Variants in DCC observed in about 807,000 individuals in gnomAD.
DCC encodes netrin receptor DCC.
A neutral mutation model predicts 172.5 loss-of-function variants in DCC; 58 were observed. The observed-to-expected ratio is 0.34, with a 90% CI of 0.27 to 0.42. The LOEUF (loss-of-function observed/expected upper bound fraction) is 0.42, where lower values mean the gene tolerates loss of function less well. DCC is among the 10% of genes least tolerant of loss of function. The probability of loss-of-function intolerance (pLI) is 1.00; values close to 1 mark genes in which losing one functional copy is unlikely to be tolerated. For missense variants in DCC, 1,740 were observed against 1,791.0 expected (o/e 0.97, Z 0.51); for synonymous variants, 709 against 644.5 (o/e 1.10, Z -1.52).
chr18:53,226,914 CTG>C (rs35341474), intron 12 of DCC, among the ~76,000 whole-genome samples: 36 of 103,680 alleles, frequency 3.5e-4, no homozygotes, highest in African/African-American at 5.3e-4. Flanking sequence ...AATAGTGTAA[CTG>C]TGTGTGTGTG....
intron 5 of DCC, among the ~76,000 whole-genome samples, chr18:52,940,102 T>C (rs2040437276): frequency 6.6e-6 from 1 of 152,168 alleles, no homozygotes; most frequent in Admixed American, 6.5e-5. Context: ...TTCCAAGTGA[T>C]TCTTAAACAC....
chr18:52,989,135 A>G (rs2041341622), intron 5 of DCC, among the ~76,000 whole-genome samples: 1 of 152,144 alleles, frequency 6.6e-6, no homozygotes, highest in South Asian at 2.1e-4. Context: ...TTCATACAAT[A>G]TCCACCTCCC....
chr18:53,202,714 G>C (rs1042334367), intron 9 of DCC, among the ~76,000 whole-genome samples: 3 of 152,144 alleles, frequency 2.0e-5, no homozygotes, highest in African/African-American at 2.4e-5. Context: ...CAAGTACTCA[G>C]TTCTGGAATC....
chr18:52,815,440 T>C (rs952908644), intron 2 of DCC, among the ~76,000 whole-genome samples: 2 of 147,470 alleles, frequency 1.4e-5, no homozygotes, highest in African/African-American at 5.2e-5. Context: ...ACACACACGT[T>C]CTCTCTCCAC....
intron 5 of DCC, among the ~76,000 whole-genome samples, chr18:52,984,144 G>GA (rs2041254759): frequency 6.6e-6 from 1 of 152,034 alleles, no homozygotes; most frequent in Admixed American, 6.6e-5. Context: ...GAGCTATATA[G>GA]AAAATGATTT....
chr18:52,598,886 A>G (rs1255591753), intron 1 of DCC, among the ~76,000 whole-genome samples: 1 of 152,098 alleles, frequency 6.6e-6, no homozygotes, highest in Non-Finnish European at 1.5e-5. Flanking sequence ...TGCATTTTCC[A>G]GAGGGGTGGA....
At chr18:52,539,756 G>C (rs544039369) in intron 1 of DCC, among the ~76,000 whole-genome samples, 2 of 152,286 alleles carry the variant, frequency 1.3e-5, no homozygotes, top group African/African-American at 4.8e-5. Flanking sequence ...TTAGAGAGTA[G>C]ACTTTGAGTA....
intron 1 of DCC, among the ~76,000 whole-genome samples, chr18:52,709,863 A>G (rs1436795658): frequency 6.6e-6 from 1 of 152,342 alleles, no homozygotes; most frequent in East Asian, 1.9e-4. Flanking sequence ...CAATGCAGTG[A>G]ATAAGCAAAT....
chr18:53,027,850 G>C (rs1198460824), intron 5 of DCC, among the ~76,000 whole-genome samples: 1 of 151,600 alleles, frequency 6.6e-6, no homozygotes, highest in Non-Finnish European at 1.5e-5. Context: ...TCTAATCTCT[G>C]AGAATCTGGC....
At chr18:52,573,039 C>A (rs1016307520) in intron 1 of DCC, among the ~76,000 whole-genome samples, 2 of 152,026 alleles carry the variant, frequency 1.3e-5, no homozygotes, top group African/African-American at 4.8e-5. Flanking sequence ...GAACAGAAAC[C>A]GTATGTAATG....
intron 15 of DCC, among the ~76,000 whole-genome samples, chr18:53,384,341 G>A (rs1294736823): frequency 6.6e-6 from 1 of 151,794 alleles, no homozygotes; most frequent in Non-Finnish European, 1.5e-5. Flanking sequence ...TTTTTTCTAA[G>A]TCATATATTA....
At position 53,267,941 on chromosome 18, in the gene DCC, A is replaced by G. The variant is rs537966812; in HGVS notation, c.1912-37637A>G. Reference sequence around the variant, plus strand: ...TCTAAAGGAGATCCTTTTGTATTATAACTACAGGTATAATTATTTTGCAGT... The same window carrying G: ...TCTAAAGGAGATCCTTTTGTATTATGACTACAGGTATAATTATTTTGCAGT... On this transcript the variant is annotated intron_variant, in intron 12 of 28. Transcript: ENST00000442544. 3.3e-5 allele frequency among the ~76,000 whole-genome samples: 5 copies of G among 152,260 alleles called. No homozygotes were observed. The East Asian group carries it at 9.6e-4, about 29-fold the overall frequency.
intron 7 of DCC, among the ~76,000 whole-genome samples, chr18:53,091,155 A>T (rs962226916): frequency 6.6e-6 from 1 of 152,044 alleles, no homozygotes; most frequent in Non-Finnish European, 1.5e-5. Flanking sequence ...TAAGCTGAAG[A>T]ACGTAAATTA....
chr18:53,331,780 C>A (rs1275798400), intron 14 of DCC, among the ~76,000 whole-genome samples: 2 of 152,136 alleles, frequency 1.3e-5, no homozygotes, highest in Non-Finnish European at 2.9e-5. Flanking sequence ...AGGGCTGAAT[C>A]CTATCTGTAA....
intron 1 of DCC, among the ~76,000 whole-genome samples, chr18:52,464,964 A>G (rs1297492546): frequency 1.3e-5 from 2 of 152,084 alleles, no homozygotes; most frequent in Admixed American, 1.3e-4. Flanking sequence ...TAGTTTTTCA[A>G]AAGAGGCTCA....
intron 21 of DCC, among the ~76,000 whole-genome samples, chr18:53,422,896 C>T (rs1007064160): frequency 1.3e-5 from 2 of 152,096 alleles, no homozygotes; most frequent in Non-Finnish European, 2.9e-5. Context: ...GCTTGCTACA[C>T]CCACTTGAAA....
At chr18:52,584,038 A>G (rs1327794183) in intron 1 of DCC, among the ~76,000 whole-genome samples, 3 of 152,176 alleles carry the variant, frequency 2.0e-5, no homozygotes, top group African/African-American at 7.2e-5. Context: ...CATTTTTTTC[A>G]TAGCTGAATT....
At chr18:53,301,924 G>C (rs1477626218) in intron 12 of DCC, among the ~76,000 whole-genome samples, 1 of 152,010 alleles carries the variant, frequency 6.6e-6, no homozygotes, top group Non-Finnish European at 1.5e-5. Flanking sequence ...CTGCAGACTG[G>C]GTGGCTTAAA....
intron 1 of DCC, among the ~76,000 whole-genome samples, chr18:52,446,996 T>C (rs191860821): frequency 6.6e-5 from 10 of 152,382 alleles, no homozygotes; most frequent in African/African-American, 2.4e-4. Flanking sequence ...TGAGCAGTTC[T>C]GTGGAGAGTT....
Sources: allele counts gnomAD v4.1 joint callset (sites outside exome capture counted in the v4.1 genomes callset), GRCh38; gene constraint gnomAD v4.1.1; transcripts MANE v1.5; gene names NCBI Gene and HGNC (gene_info 2026-07-23, HGNC 2026-07-21).